The following PDZD2 variants were observed in gnomAD, a reference collection of about 807,000 sequenced individuals.
PDZD2 encodes PDZ domain containing 2, also known as PDZ domain-containing protein 2.
PDZD2 carries 90 observed loss-of-function variants against 220.7 expected under a neutral mutation model. That is an observed-to-expected ratio of 0.41 (90% CI 0.34 to 0.49). The LOEUF is 0.49. Ranked by LOEUF, PDZD2 falls within the 20% of genes least tolerant of loss-of-function variation. The pLI, the probability that PDZD2 is intolerant of heterozygous loss-of-function variation, is 0.28. For synonymous variants in PDZD2, 1,375 were observed against 1,450.5 expected (o/e 0.95, Z 1.18); for missense variants, 3,174 against 3,608.5 (o/e 0.88, Z 3.08).
At chr5:32,031,175 C>A (rs940948079) in intron 6 of PDZD2, among the ~76,000 whole-genome samples, 1 of 152,152 alleles carries the variant, frequency 6.6e-6, no homozygotes, top group African/African-American at 2.4e-5. Context: ...AATAACGTAG[C>A]ATCTCCCTAC....
intron 7 of PDZD2, among the ~76,000 whole-genome samples, chr5:32,037,845 A>AT (rs11387630): frequency 0.5 from 73,846 of 146,428 alleles, 19,328 homozygotes; most frequent in South Asian, 0.62. Context: ...TATGAAAGGC[A>AT]TTTTTTTTTT....
chr5:32,009,955 C>G (rs1241647356), intron 5 of PDZD2, among the ~76,000 whole-genome samples: 1 of 151,816 alleles, frequency 6.6e-6, no homozygotes, highest in Non-Finnish European at 1.5e-5. Flanking sequence ...GGTGTGGTGG[C>G]TCATGCCTGT....
At chr5:31,701,783 G>A (rs927895373) in intron 1 of PDZD2, among the ~76,000 whole-genome samples, 7 of 152,140 alleles carry the variant, frequency 4.6e-5, no homozygotes, top group Admixed American at 1.3e-4. Context: ...CCCTAATAAC[G>A]AGAAGATGTG....
intron 5 of PDZD2, among the ~76,000 whole-genome samples, chr5:32,001,348 C>T (rs1752088506): frequency 6.6e-6 from 1 of 152,212 alleles, no homozygotes; most frequent in Non-Finnish European, 1.5e-5. Flanking sequence ...CGAGGGCAGC[C>T]TGTGGCTTCT....
intron 7 of PDZD2, among the ~76,000 whole-genome samples, chr5:32,047,852 G>C (rs1228553589): frequency 6.6e-6 from 1 of 152,222 alleles, no homozygotes; most frequent in African/African-American, 2.4e-5. Flanking sequence ...CAAATGCTAA[G>C]AACAGGAGCC....
At chr5:31,940,192 G>A (rs529875426) in intron 2 of PDZD2, among the ~76,000 whole-genome samples, 6 of 152,322 alleles carry the variant, frequency 3.9e-5, no homozygotes, top group South Asian at 2.1e-4. Flanking sequence ...CCTTGGTGAC[G>A]GGGGAACAAG....
chr5:32,059,597 C>T (rs574431233), intron 13 of PDZD2, among the ~76,000 whole-genome samples: 2 of 152,266 alleles, frequency 1.3e-5, no homozygotes, highest in East Asian at 3.9e-4. Flanking sequence ...TCTATTTGGT[C>T]TCAGAAGTCC....
chr5:31,664,585 G>A lies in PDZD2; in HGVS notation c.-361+25148G>A, dbSNP rs58574063. Among the ~76,000 whole-genome samples the A allele has an allele frequency of 5.1e-3, 776 of 152,204 alleles. 8 individuals are homozygous for A. Among genetic ancestry groups the A allele is most frequent in the African/African-American group, 0.017 (723 of 41,538 alleles). ...ATGGTTCACAGCCAAACCTGCCCCG[G>A]CTGTCTTGTGATTCATACGACGGCA... On this transcript the variant is annotated intron_variant, in intron 1 of 24. Coordinates refer to ENST00000438447, the MANE Select transcript of PDZD2 (RefSeq NM_178140.4).
intron 2 of PDZD2, among the ~76,000 whole-genome samples, chr5:31,893,753 T>A (rs1741275120): frequency 6.6e-6 from 1 of 152,182 alleles, no homozygotes; most frequent in Non-Finnish European, 1.5e-5. Flanking sequence ...TCAGCAGGGA[T>A]TGTGTATGTA....
intron 1 of PDZD2, among the ~76,000 whole-genome samples, chr5:31,717,978 C>T (rs374895632): frequency 7.9e-5 from 12 of 152,224 alleles, no homozygotes; most frequent in South Asian, 2.1e-4. Context: ...CTCTTTTCCT[C>T]GCCTCTCCTT....
intron 2 of PDZD2, among the ~76,000 whole-genome samples, chr5:31,956,651 C>T (rs535366539): frequency 6.8e-5 from 10 of 146,970 alleles, no homozygotes; most frequent in East Asian, 4.0e-4. Flanking sequence ...CACAGCTATT[C>T]GGGAGGCTGA....
chr5:31,639,158 A>G lies in PDZD2; in HGVS notation c.-640A>G, dbSNP rs1744836352. Among the ~76,000 whole-genome samples, 1 of 152,006 alleles carries G rather than the reference A, an allele frequency of 6.6e-6. No homozygotes were observed. Among genetic ancestry groups the G allele is most frequent in the South Asian group, 2.1e-4 (1 of 4,830 alleles). On this transcript the variant is annotated 5_prime_UTR_variant, in exon 1 of 25. Transcript: ENST00000438447. The surrounding 1 kb of genome is among the most constrained non-coding windows in gnomAD (Gnocchi z 4.1). ...GGCTCGGCGGATCCCCTGCGCAGCGAGGCGAGGAGCGGACCCCAGCGCCGG... is the reference window on the plus strand; with the variant it reads ...GGCTCGGCGGATCCCCTGCGCAGCGGGGCGAGGAGCGGACCCCAGCGCCGG...
rs1048440663 is a variant in PDZD2 at position 31,841,670 on chromosome 5, C to CA, written c.476+41955dup. On this transcript the variant is annotated intron_variant, in intron 2 of 24. Transcript: ENST00000438447. Reference sequence around the variant, plus strand: ...CCTGGCGACAGAGTGAGACTTGTCTCAAAAAAAAAGAACAATACCTGGCTA... The same window carrying CA: ...CCTGGCGACAGAGTGAGACTTGTCTCAAAAAAAAAAGAACAATACCTGGCTA... Among the ~76,000 whole-genome samples the CA allele has an allele frequency of 2.7e-4, 40 of 146,872 alleles. No individual in the cohort carries two copies. The South Asian group carries it at 6.1e-3, about 22-fold the overall frequency.
rs761509479 is a variant in PDZD2, at chr5:32,087,668, G to A, written c.4220G>A (p.Cys1407Tyr). 1.2e-6 allele frequency: 2 copies of A among 1,614,214 alleles called. No homozygotes were observed. Among genetic ancestry groups the A allele is most frequent in the East Asian group, 2.2e-5 (1 of 44,878 alleles). ...TCCACTGACAACACCAAAGAAGCAT[G>A]TGGCCATGTCTCGGGGCACTGCTGC... ...LPSTDNTKEA[C>Y]GHVSGHCCPG... The change falls in exon 20 of 25, where the codon TGT (cysteine) becomes TAT (tyrosine). Residue 1407 changes from cysteine to tyrosine, a missense_variant. By Grantham distance (194) the Cys-to-Tyr change is radical. This residue lies in a region of PDZD2 where 1,861 missense variants were observed against 2,001.0 expected (regional missense o/e 0.93). Transcript: ENST00000438447. This position sits in a 1 kb window ranked among gnomAD's most constrained non-coding sequence, Gnocchi z 4.0.
intron 1 of PDZD2, among the ~76,000 whole-genome samples, chr5:31,688,933 G>A (rs1435927540): frequency 6.6e-6 from 1 of 152,082 alleles, no homozygotes; most frequent in Non-Finnish European, 1.5e-5. Context: ...CATCAAGGAT[G>A]TTGCCCTGTA....
At chr5:31,750,942 T>C (rs745509507) in intron 1 of PDZD2, among the ~76,000 whole-genome samples, 5 of 151,828 alleles carry the variant, frequency 3.3e-5, no homozygotes, top group Non-Finnish European at 5.9e-5. Flanking sequence ...ATTTGGTGGT[T>C]TTGAGTAAGA....
intron 14 of PDZD2, among the ~76,000 whole-genome samples, chr5:32,067,314 C>T (rs1251192581): frequency 6.6e-6 from 1 of 152,080 alleles, no homozygotes; most frequent in African/African-American, 2.4e-5. Flanking sequence ...GTCCATTTTT[C>T]TCCTAGTCAA....
intron 1 of PDZD2, among the ~76,000 whole-genome samples, chr5:31,767,573 G>A (rs1270368562): frequency 6.6e-6 from 1 of 152,140 alleles, no homozygotes; most frequent in Non-Finnish European, 1.5e-5. Flanking sequence ...ATATCTTGTA[G>A]TCATTTCTCC....
At chr5:31,845,443 G>A (rs1757532236) in intron 2 of PDZD2, among the ~76,000 whole-genome samples, 1 of 152,216 alleles carries the variant, frequency 6.6e-6, no homozygotes, top group African/African-American at 2.4e-5. Flanking sequence ...GAGGTGTGAT[G>A]TGAACCAAGT....
Sources: allele counts gnomAD v4.1 joint callset (sites outside exome capture counted in the v4.1 genomes callset), GRCh38; gene constraint gnomAD v4.1.1; regional missense constraint gnomAD v4.1.1; non-coding constraint Gnocchi (gnomAD v3.1); transcripts MANE v1.5; gene names NCBI Gene and HGNC (gene_info 2026-07-23, HGNC 2026-07-21).